PRSS3: variants seen among roughly 807,000 people sequenced by gnomAD.
The protein encoded by PRSS3 is serine protease 3, also known as trypsin-3.
In PRSS3, 14 loss-of-function variants were observed where a neutral mutation model predicts 20.8. The ratio of observed to expected loss-of-function variants is 0.67; its 90% CI spans 0.44 to 1.05. The LOEUF is 1.05. Ranked by LOEUF, PRSS3 falls within the 50% of genes least tolerant of loss-of-function variation. The pLI is 0.00. For synonymous variants in PRSS3, 91 were observed against 117.6 expected, an observed-to-expected ratio of 0.77 and a Z score of 1.46; for missense variants, 237 against 306.4, an observed-to-expected ratio of 0.77 and a Z score of 1.69.
chr9:33,794,718 G>A (rs1824817863), upstream of PRSS3: 2 of 1,530,952 alleles, frequency 1.3e-6, no homozygotes, highest in African/African-American at 2.8e-5. Context: ...CTGAGCAGGT[G>A]AGTCAGTTTG....
At chr9:33,753,904 A>G (rs1822810703) in intron 1 of PRSS3, among the ~76,000 whole-genome samples, 1 of 152,206 alleles carries the variant, frequency 6.6e-6, no homozygotes, top group Non-Finnish European at 1.5e-5. Context: ...ATATGAACTC[A>G]TCTGAGACAG....
chr9:33,780,006 C>CA (rs879434104), intron 1 of PRSS3, among the ~76,000 whole-genome samples: 12 of 147,252 alleles, frequency 8.1e-5, no homozygotes, highest in Admixed American at 7.5e-4. Flanking sequence ...TGAAAAACAC[C>CA]AAAAAAATTG....
At chr9:33,784,539 T>C (rs1300772935) in intron 1 of PRSS3, among the ~76,000 whole-genome samples, 1 of 152,244 alleles carries the variant, frequency 6.6e-6, no homozygotes, top group Non-Finnish European at 1.5e-5. Context: ...ATTTTCTCTA[T>C]TATAAGGTAA....
intron 1 of PRSS3, among the ~76,000 whole-genome samples, chr9:33,783,481 A>G (rs1309514788): frequency 6.6e-6 from 1 of 152,184 alleles, no homozygotes; most frequent in African/African-American, 2.4e-5. Context: ...GGATGGATAG[A>G]TGGATTGTTA....
At chr9:33,767,558 TCA>T (rs1172894718) in intron 1 of PRSS3, among the ~76,000 whole-genome samples, 1 of 151,920 alleles carries the variant, frequency 6.6e-6, no homozygotes, top group Non-Finnish European at 1.5e-5. Flanking sequence ...GCGCGGTGAC[TCA>T]CATCCGTAAT....
intron 1 of PRSS3, 139 bp from the exon 2 acceptor site, chr9:33,796,503 AG>A (rs946462679): frequency 2.4e-5 from 31 of 1,289,818 alleles, no homozygotes; most frequent in Non-Finnish European, 3.2e-5. Context: ...GATGCTCACC[AG>A]GGGTGGCAGC....
chr9:33,771,632 T>G (rs1313013234), intron 1 of PRSS3, among the ~76,000 whole-genome samples: 2 of 121,222 alleles, frequency 1.6e-5, no homozygotes, highest in Non-Finnish European at 3.5e-5. Flanking sequence ...GGGTTTTGTT[T>G]TTTTGTTTTT....
intron 1 of PRSS3, among the ~76,000 whole-genome samples, chr9:33,774,107 G>C (rs1401044978): frequency 6.6e-6 from 1 of 152,128 alleles, no homozygotes; most frequent in Non-Finnish European, 1.5e-5. Context: ...AACCACAGCA[G>C]GGGCTTAGCC....
chr9:33,771,101 G>A (rs1358926402), intron 1 of PRSS3, among the ~76,000 whole-genome samples: 3 of 152,194 alleles, frequency 2.0e-5, no homozygotes, highest in Non-Finnish European at 2.9e-5. Flanking sequence ...TGCCGAGGCT[G>A]TGAGATCCTG....
At chr9:33,794,794 G>A (rs866840805), upstream of PRSS3, 4 of 1,550,732 alleles carry the variant, frequency 2.6e-6, no homozygotes, top group African/African-American at 1.4e-5. Flanking sequence ...ATGACAGGAT[G>A]CACATGAGAG....
At chr9:33,772,309 G>A (rs1398520655) in intron 1 of PRSS3, among the ~76,000 whole-genome samples, 26 of 152,174 alleles carry the variant, frequency 1.7e-4, no homozygotes, top group Admixed American at 1.2e-3. Context: ...GGTGAGAGCA[G>A]GATCTCACAG....
chr9:33,788,328 A>T (rs1184891313), intron 1 of PRSS3, among the ~76,000 whole-genome samples: 2 of 152,214 alleles, frequency 1.3e-5, no homozygotes, highest in Non-Finnish European at 2.9e-5. Context: ...TCTTTTGAAA[A>T]GTTGCTCCTG....
At chr9:33,783,494 TG>T (rs1824261051) in intron 1 of PRSS3, among the ~76,000 whole-genome samples, 1 of 152,186 alleles carries the variant, frequency 6.6e-6, no homozygotes, top group Non-Finnish European at 1.5e-5. Context: ...GATTGTTATG[TG>T]GTAAAGCAGT....
chr9:33,775,273 A>G (rs1563961525), intron 1 of PRSS3, among the ~76,000 whole-genome samples: 3 of 152,172 alleles, frequency 2.0e-5, no homozygotes, highest in African/African-American at 4.8e-5. Context: ...AGCTCAGCCA[A>G]TGACTTTTAA....
At chr9:33,789,771 T>G (rs1266061730) in intron 1 of PRSS3, among the ~76,000 whole-genome samples, 1 of 152,228 alleles carries the variant, frequency 6.6e-6, no homozygotes, top group Non-Finnish European at 1.5e-5. Context: ...CCTTCCTATA[T>G]TACAAAATTG....
At position 33,766,697 on chromosome 9, in the gene PRSS3, T is replaced by C. The variant is rs1823447377; in HGVS notation, c.-53+15970T>C. Among the ~76,000 whole-genome samples, 6 of 152,146 alleles carry C rather than the reference T, an allele frequency of 3.9e-5. No homozygotes were observed. The South Asian group carries it at 1.2e-3, about 32-fold the overall frequency. ...TGCATCTTGTATGATTTAATTTATATAAACTGTCTAAATTAGGCAAATCCA... is the reference window on the plus strand; with the variant it reads ...TGCATCTTGTATGATTTAATTTATACAAACTGTCTAAATTAGGCAAATCCA... On this transcript the variant is annotated intron_variant, in intron 1 of 5. Transcript: ENST00000342836.
chr9:33,753,696 G>A (rs1822798802), intron 1 of PRSS3, among the ~76,000 whole-genome samples: 1 of 152,212 alleles, frequency 6.6e-6, no homozygotes, highest in African/African-American at 2.4e-5. Flanking sequence ...TCCTAGCACA[G>A]TGCCCATAGC....
chr9:33,795,387 G>A (rs542000149), upstream of PRSS3: 33 of 766,144 alleles, frequency 4.3e-5, no homozygotes, highest in Admixed American at 7.2e-4. Flanking sequence ...CTTATCACCT[G>A]TGAATCACAA....
Position 33,799,021 on chromosome 9 carries a change from T to A in PRSS3, c.592-7T>A, listed in dbSNP as rs376227847. On this transcript the variant is annotated splice_region_variant and splice_polypyrimidine_tract_variant and intron_variant, in intron 4 of 4. Transcript: ENST00000379405. Reference sequence around the variant, plus strand: ...TCTTTATACAACTTGTCCCTTCTTCTCCCCAGCGTGACTCTGGTGGCCCTG... The same window carrying A: ...TCTTTATACAACTTGTCCCTTCTTCACCCCAGCGTGACTCTGGTGGCCCTG... 28 of 1,613,766 alleles carry A rather than the reference T, an allele frequency of 1.7e-5. No homozygotes were observed. The highest frequency in any genetic ancestry group is 2.2e-5 in the Non-Finnish European group (26 of 1,179,738).
Sources: allele counts gnomAD v4.1 joint callset (sites outside exome capture counted in the v4.1 genomes callset), GRCh38; gene constraint gnomAD v4.1.1; transcripts MANE v1.5; gene names NCBI Gene and HGNC (gene_info 2026-07-23, HGNC 2026-07-21).